CNTNAP2: variants seen among roughly 807,000 people sequenced by gnomAD.
The protein encoded by CNTNAP2 is contactin associated protein 2.
Under a neutral mutation model 155.2 loss-of-function variants are expected in CNTNAP2, and 98 were observed. That is an observed-to-expected ratio of 0.63 (90% confidence interval 0.54 to 0.75). CNTNAP2 has a LOEUF of 0.75. Ranked by LOEUF, CNTNAP2 falls within the 30% of genes least tolerant of loss-of-function variation. The pLI, the probability that CNTNAP2 is intolerant of heterozygous loss-of-function variation, is 0.00. For missense variants in CNTNAP2, 1,727 were observed against 1,688.1 expected, an observed-to-expected ratio of 1.02 and a Z score of -0.40; for synonymous variants, 651 against 631.2, an observed-to-expected ratio of 1.03 and a Z score of -0.47.
Position 148,366,040 on chromosome 7 carries a change from ATGTATGCATG to A in CNTNAP2, c.3476-17605_3476-17596del, listed in dbSNP as rs1798757569. The stretch of plus-strand genomic sequence containing the variant: ...TGCATGTATGCATGTGTGTGTATGC[ATGTATGCATG>A]TGTGTGTATGCATGTATGCATGTAT... On this transcript the variant is annotated intron_variant, in intron 21 of 23. Transcript: ENST00000361727. 1.3e-3 allele frequency among the ~76,000 whole-genome samples: 2 copies of A among 1,598 alleles called. 1 individual carries two copies. The highest frequency in any genetic ancestry group is 1.4e-3 in the African/African-American group (2 of 1,380). The allele number at this position is 1,598 out of a possible 152,430, so 1.0% of individuals were successfully genotyped here.
intron 11 of CNTNAP2, among the ~76,000 whole-genome samples, chr7:147,528,059 G>T (rs1799358055): frequency 6.6e-6 from 1 of 152,204 alleles, no homozygotes; most frequent in African/African-American, 2.4e-5. Context: ...TGTTGGTTCA[G>T]GGTGGACTCT....
chr7:146,677,427 T>C (rs982534239), intron 1 of CNTNAP2, among the ~76,000 whole-genome samples: 1 of 152,192 alleles, frequency 6.6e-6, no homozygotes, highest in African/African-American at 2.4e-5. Flanking sequence ...AAAGAGTCAC[T>C]TCTATTGGTC....
intron 3 of CNTNAP2, among the ~76,000 whole-genome samples, chr7:146,970,134 C>T (rs1038045537): frequency 3.3e-5 from 5 of 152,184 alleles, no homozygotes; most frequent in African/African-American, 9.7e-5. Context: ...CATTACCATT[C>T]AGGACATAGG....
At chr7:146,388,658 T>C (rs1242565721) in intron 1 of CNTNAP2, among the ~76,000 whole-genome samples, 6 of 152,160 alleles carry the variant, frequency 3.9e-5, no homozygotes, top group African/African-American at 4.8e-5. Context: ...AGGCTATTAT[T>C]GAGTATAGTC....
At chr7:147,887,805 G>C (rs1183982989) in intron 13 of CNTNAP2, among the ~76,000 whole-genome samples, 1 of 152,152 alleles carries the variant, frequency 6.6e-6, no homozygotes, top group Non-Finnish European at 1.5e-5. Flanking sequence ...AGAAGATAAT[G>C]TAAAAATTTT....
chr7:147,532,396 C>T (rs1259666351), intron 11 of CNTNAP2, among the ~76,000 whole-genome samples: 1 of 152,176 alleles, frequency 6.6e-6, no homozygotes, highest in Non-Finnish European at 1.5e-5. Flanking sequence ...CCACCTCAGC[C>T]TGGATTTTAT....
At chr7:147,814,304 T>C (rs1302920907) in intron 13 of CNTNAP2, among the ~76,000 whole-genome samples, 1 of 152,190 alleles carries the variant, frequency 6.6e-6, no homozygotes, top group Non-Finnish European at 1.5e-5. Context: ...CTAGAAAGCT[T>C]TTGTTACATG....
chr7:146,555,364 AATCTTT>A, intron 1 of CNTNAP2, among the ~76,000 whole-genome samples: 1 of 151,930 alleles, frequency 6.6e-6, no homozygotes, highest in South Asian at 2.1e-4. Flanking sequence ...TATCTAATCT[AATCTTT>A]TATTCTATCC....
At chr7:146,431,051 G>A (rs547889834) in intron 1 of CNTNAP2, among the ~76,000 whole-genome samples, 1 of 152,088 alleles carries the variant, frequency 6.6e-6, no homozygotes, top group East Asian at 1.9e-4. Context: ...CATCCTCAGT[G>A]TTAGATGTAA....
intron 9 of CNTNAP2, among the ~76,000 whole-genome samples, chr7:147,326,725 T>C (rs1795466734): frequency 6.6e-6 from 1 of 152,226 alleles, no homozygotes; most frequent in Non-Finnish European, 1.5e-5. Flanking sequence ...TTTGCTTTTG[T>C]GGTAACAGCT....
chr7:146,956,577 C>T (rs1797442603), intron 3 of CNTNAP2, among the ~76,000 whole-genome samples: 1 of 152,124 alleles, frequency 6.6e-6, no homozygotes, highest in African/African-American at 2.4e-5. Context: ...AATATACTCT[C>T]TGTGAAAAGA....
rs563887477 is a variant in CNTNAP2, at chr7:146,390,792, G to A, written c.97+273819G>A. The stretch of plus-strand genomic sequence containing the variant: ...CATATTATAATACGTATTTTAGCTG[G>A]GTGTGGTGGCTCGCGCCTGTAATCC... On this transcript the variant is annotated intron_variant, in intron 1 of 23. Transcript: ENST00000361727. 1.6e-4 allele frequency among the ~76,000 whole-genome samples: 23 copies of A among 139,660 alleles called. No individual in the cohort carries two copies. The South Asian group carries it at 2.1e-3, about 13-fold the overall frequency. 91.6% of individuals were successfully genotyped at this position (139,660 alleles called of 152,430 possible).
chr7:146,942,148 A>G (rs763689062), intron 3 of CNTNAP2, among the ~76,000 whole-genome samples: 1 of 151,674 alleles, frequency 6.6e-6, no homozygotes, highest in African/African-American at 2.4e-5. Flanking sequence ...TGCTTTTTTG[A>G]TGTTGTCTCA....
At chr7:147,876,745 G>A (rs951328724) in intron 13 of CNTNAP2, among the ~76,000 whole-genome samples, 1 of 152,018 alleles carries the variant, frequency 6.6e-6, no homozygotes, top group African/African-American at 2.4e-5. Context: ...CTGAACGTAG[G>A]GTGCTTATTA....
chr7:147,036,864 C>T (rs1442237127), intron 3 of CNTNAP2, among the ~76,000 whole-genome samples: 1 of 151,956 alleles, frequency 6.6e-6, no homozygotes, highest in African/African-American at 2.4e-5. Context: ...TTCCTTTTCA[C>T]ACCTATATGA....
intron 8 of CNTNAP2, among the ~76,000 whole-genome samples, chr7:147,161,247 G>T (rs147030646): frequency 3.9e-4 from 60 of 152,240 alleles, no homozygotes; most frequent in African/African-American, 1.3e-3. Context: ...TGAAGTACCA[G>T]TTGCATAGCG....
At chr7:147,901,124 G>A (rs748279985) in intron 13 of CNTNAP2, among the ~76,000 whole-genome samples, 3 of 152,218 alleles carry the variant, frequency 2.0e-5, no homozygotes, top group East Asian at 1.9e-4. Context: ...AACAGTCCCA[G>A]CCAGCTATAA....
chr7:147,084,695 T>C (rs906644282), intron 4 of CNTNAP2, among the ~76,000 whole-genome samples: 3 of 147,724 alleles, frequency 2.0e-5, no homozygotes, highest in Non-Finnish European at 4.5e-5. Flanking sequence ...GCTATATGTA[T>C]ACATAATGCA....
chr7:146,284,910 G>A (rs1183234012), intron 1 of CNTNAP2, among the ~76,000 whole-genome samples: 2 of 152,150 alleles, frequency 1.3e-5, no homozygotes, highest in Non-Finnish European at 1.5e-5. Flanking sequence ...CACAGGCTAT[G>A]ACTATGCTTC....
Sources: allele counts gnomAD v4.1 joint callset (sites outside exome capture counted in the v4.1 genomes callset), GRCh38; gene constraint gnomAD v4.1.1; transcripts MANE v1.5; gene names NCBI Gene and HGNC (gene_info 2026-07-23, HGNC 2026-07-21).